ABCA10: variants seen among roughly 807,000 people sequenced by gnomAD.
The protein encoded by ABCA10 is ATP binding cassette subfamily A member 10.
Under a neutral mutation model 187.5 loss-of-function variants are expected in ABCA10, and 169 were observed. The observed-to-expected ratio is 0.90, with a 90% CI of 0.80 to 1.02. ABCA10 has a LOEUF of 1.02. Ranked by LOEUF, ABCA10 falls within the 50% of genes least tolerant of loss-of-function variation. ABCA10 has a pLI of 0.00. For synonymous variants in ABCA10, 574 were observed against 601.8 expected (o/e 0.95, Z 0.68); for missense variants, 1,727 against 1,812.4 (o/e 0.95, Z 0.86).
rs2074749731 is a variant in ABCA10, at chr17:69,221,803, C to G, written c.292G>C (p.Ala98Pro). Residue 98 changes from alanine (A) to proline (P), a missense_variant, in exon 5 of 39, where the codon GCA becomes CCA. Transcript: ENST00000690296. Reference sequence around the variant, plus strand: ...AGTTAGGCACTTACTTCTATAATTGCAGCATTAATTGCAGCTTGAAAAGCT... The same window carrying G: ...AGTTAGGCACTTACTTCTATAATTGGAGCATTAATTGCAGCTTGAAAAGCT... ...FVAFQAAINA[A>P]IIEVTTNHSV... The G allele has an allele frequency of 1.2e-6, 2 of 1,608,130 alleles. No homozygotes were observed. The highest frequency in any genetic ancestry group is 8.5e-7 in the Non-Finnish European group (1 of 1,178,080).
intron 27 of ABCA10, among the ~76,000 whole-genome samples, chr17:69,159,807 A>C (rs988397338): frequency 6.6e-6 from 1 of 152,192 alleles, no homozygotes; most frequent in Non-Finnish European, 1.5e-5. Flanking sequence ...TTTAAAATAG[A>C]CCAATGGAAT....
At position 69,149,897 on chromosome 17, in the gene ABCA10, T is replaced by G. The variant is rs1009508418; in HGVS notation, c.4477+87A>C. 12 of 1,020,454 alleles carry G rather than the reference T, an allele frequency of 1.2e-5. No individual in the cohort carries two copies. In the African/African-American group the frequency reaches 1.8e-4, roughly 15 times the overall value. 63.2% of individuals were successfully genotyped at this position (1,020,454 alleles called of 1,614,324 possible). A position where few individuals can be genotyped will look rare whatever the true frequency, so the allele number is the denominator to read the frequency against. On this transcript the variant is annotated intron_variant, in intron 37 of 38. Coordinates refer to ENST00000690296, the MANE Select transcript of ABCA10 (RefSeq NM_001377321.1). ...TTCAAGTTTTGATTGATTATTTCAT[T>G]GTTCTACTTCAAATTACATAGTCTA...
intron 27 of ABCA10, among the ~76,000 whole-genome samples, chr17:69,162,212 A>C (rs946083638): frequency 6.6e-6 from 1 of 152,154 alleles, no homozygotes; most frequent in Admixed American, 6.6e-5. Context: ...TTCTGAAGCA[A>C]TTTTTTTGAA....
chr17:69,222,684 A>T lies in ABCA10; in HGVS notation c.48T>A (p.Ile16=). The change falls in exon 4 of 39, where the codon ATT becomes ATA. Residue 16 remains isoleucine (I), a synonymous_variant. Transcript: ENST00000690296. ...LASFMKGRTV[I]GTPDEETMDI... Reference sequence around the variant, plus strand: ...CCATGGTCTCTTCATCTGGTGTCCCAATGACTGTTCTTCCTACCATGTATG... The same window carrying T: ...CCATGGTCTCTTCATCTGGTGTCCCTATGACTGTTCTTCCTACCATGTATG... 6.3e-7 allele frequency: 1 copy of T among 1,579,856 alleles called. No homozygotes were observed. Among genetic ancestry groups the T allele is most frequent in the South Asian group, 1.2e-5 (1 of 83,420 alleles).
intron 11 of ABCA10, among the ~76,000 whole-genome samples, chr17:69,196,740 C>T (rs1057183176): frequency 6.6e-6 from 1 of 152,290 alleles, no homozygotes; most frequent in Non-Finnish European, 1.5e-5. Flanking sequence ...ACTGAGTGAG[C>T]GAGACTCCGT....
intron 9 of ABCA10, among the ~76,000 whole-genome samples, chr17:69,210,182 T>TTTTTC: frequency 1.0e-5 from 1 of 95,664 alleles, no homozygotes; most frequent in Admixed American, 1.1e-4. Flanking sequence ...TTTTTTTTTT[T>TTTTTC]TTTTTTTTTT....
chr17:69,209,358 CAAAGT>C (rs991273292), intron 9 of ABCA10, among the ~76,000 whole-genome samples: 1 of 152,048 alleles, frequency 6.6e-6, no homozygotes, highest in African/African-American at 2.4e-5. Context: ...AATAATTTTT[CAAAGT>C]AATTTTGAAG....
At chr17:69,184,648 T>C (rs1156620119) in intron 20 of ABCA10, among the ~76,000 whole-genome samples, 1 of 151,940 alleles carries the variant, frequency 6.6e-6, no homozygotes, top group Non-Finnish European at 1.5e-5. Flanking sequence ...AGTGTGGAGA[T>C]TCCTTAAAGA....
chr17:69,164,171 C>T lies in ABCA10; in HGVS notation c.3283-17G>A. ...AAAGTCGAGCTGAAAAAAAACCCAC[C>T]AACAGTTAAATGCAAGTTTCTCTAT... On this transcript the variant is annotated splice_polypyrimidine_tract_variant and intron_variant, in intron 26 of 38. Coordinates refer to ENST00000690296, the MANE Select transcript of ABCA10 (RefSeq NM_001377321.1). 6.4e-7 allele frequency: 1 copy of T among 1,562,154 alleles called. No homozygotes were observed. The highest frequency in any genetic ancestry group is 8.6e-7 in the Non-Finnish European group (1 of 1,161,796).
intron 25 of ABCA10, among the ~76,000 whole-genome samples, chr17:69,166,582 G>A (rs1175782961): frequency 6.6e-6 from 1 of 152,120 alleles, no homozygotes; most frequent in African/African-American, 2.4e-5. Flanking sequence ...AATACAATTT[G>A]AGAAAAAGTG....
At chr17:69,238,589 ACTTT>A (rs2074886270) in intron 1 of ABCA10, among the ~76,000 whole-genome samples, 4 of 152,176 alleles carry the variant, frequency 2.6e-5, no homozygotes, top group African/African-American at 9.7e-5. Flanking sequence ...ATGATACTTT[ACTTT>A]GAGTCTTTGG....
intron 9 of ABCA10, among the ~76,000 whole-genome samples, chr17:69,210,202 A>G (rs1274794212): frequency 8.3e-4 from 22 of 26,424 alleles, no homozygotes; most frequent in African/African-American, 3.9e-3. Flanking sequence ...TTTTTTTTTG[A>G]GACGGAGTCT....
At chr17:69,213,248 A>G (rs2074674033) in intron 9 of ABCA10, among the ~76,000 whole-genome samples, 1 of 152,010 alleles carries the variant, frequency 6.6e-6, no homozygotes, top group Non-Finnish European at 1.5e-5. Flanking sequence ...TTCTCAGGCT[A>G]TGGGTGGGGC....
At chr17:69,228,275 T>C (rs1366002568) in intron 1 of ABCA10, among the ~76,000 whole-genome samples, 2 of 151,904 alleles carry the variant, frequency 1.3e-5, no homozygotes, top group Non-Finnish European at 2.9e-5. Context: ...TCACACATTC[T>C]AAAGAAGTAA....
Position 69,221,692 on chromosome 17 carries a change from C to T in ABCA10, c.303+100G>A, listed in dbSNP as rs578185450. On this transcript the variant is annotated intron_variant, in intron 5 of 38. Transcript: ENST00000690296. The stretch of plus-strand genomic sequence containing the variant: ...TCTCTGAGGATGACAGGCAAAGTAT[C>T]ACCTCCTAAGAGTGTAAGAGTAAGG... 10 of 1,025,772 alleles carry T rather than the reference C, an allele frequency of 9.7e-6. No individual in the cohort carries two copies. In the East Asian group the frequency reaches 2.8e-4, roughly 28 times the overall value. 63.5% of individuals were successfully genotyped at this position (1,025,772 alleles called of 1,614,324 possible). A position where few individuals can be genotyped will look rare whatever the true frequency, so the allele number is the denominator to read the frequency against.
At chr17:69,156,151 A>G (rs577464872) in intron 28 of ABCA10, among the ~76,000 whole-genome samples, 1 of 152,314 alleles carries the variant, frequency 6.6e-6, no homozygotes, top group Admixed American at 6.5e-5. Flanking sequence ...CCTATCTGTC[A>G]ACTGGCTCTG....
chr17:69,218,755 C>T (rs755946929), intron 6 of ABCA10, among the ~76,000 whole-genome samples: 3 of 152,126 alleles, frequency 2.0e-5, no homozygotes, highest in African/African-American at 4.8e-5. Flanking sequence ...GTGATTTAAA[C>T]ATATTGCCTC....
chr17:69,215,745 C>A, intron 8 of ABCA10, 70 bp downstream of exon 8: 1 of 1,286,100 alleles, frequency 7.8e-7, no homozygotes, highest in East Asian at 3.0e-5. Context: ...TTTCATGAGG[C>A]ACCAAATTCT....
At position 69,194,405 on chromosome 17, in the gene ABCA10, C is replaced by A. The variant is rs1185196044; in HGVS notation, c.1325G>T (p.Gly442Val). ...GKSTLLNILS[G>V]LSVSTEGSAT... ...CTCACCTTCTGTAGAAACAGACAAT[C>A]CACTAAGAATGTTTAGCAGTGTTGA... The change falls in exon 12 of 39, where the codon GGA becomes GTA. Residue 442 changes from glycine to valine, a missense_variant. Transcript: ENST00000690296. The A allele has an allele frequency of 1.2e-6, 2 of 1,611,928 alleles. No individual in the cohort carries two copies. Among genetic ancestry groups the A allele is most frequent in the Non-Finnish European group, 1.7e-6 (2 of 1,178,486 alleles).
Sources: gnomAD v4.1 joint callset for allele counts (sites outside exome capture counted in the v4.1 genomes callset) on GRCh38, gnomAD v4.1.1 for gene constraint, MANE v1.5 for transcripts, NCBI Gene and HGNC (gene_info 2026-07-23, HGNC 2026-07-21) for gene names.